The following TRAPPC9 variants were observed in gnomAD, a reference collection of about 807,000 sequenced individuals.
TRAPPC9 encodes the protein IKK2 binding protein.
Under a neutral mutation model 124.0 loss-of-function variants are expected in TRAPPC9, and 83 were observed. The ratio of observed to expected loss-of-function variants is 0.67; its 90% confidence interval spans 0.56 to 0.80. The LOEUF is 0.80. TRAPPC9 is among the 30% of genes least tolerant of loss of function. TRAPPC9 has a pLI of 0.00. For missense variants in TRAPPC9, 1,302 were observed against 1,508.3 expected (o/e 0.86, Z 2.27); for synonymous variants, 638 against 617.5 (o/e 1.03, Z -0.49).
intron 17 of TRAPPC9, among the ~76,000 whole-genome samples, chr8:140,081,521 T>G (rs1178847181): frequency 6.6e-6 from 1 of 151,918 alleles, no homozygotes; most frequent in Non-Finnish European, 1.5e-5. Context: ...AATTTCTGTA[T>G]TTTTAGTAGA....
rs1845018878 is a variant in TRAPPC9 at position 140,097,171 on chromosome 8, T to G, written c.2557-73092A>C. On this transcript the variant is annotated intron_variant, in intron 17 of 22. Coordinates refer to ENST00000438773, the MANE Select transcript of TRAPPC9 (RefSeq NM_001160372.4). This position sits in a 1 kb window ranked among gnomAD's most constrained non-coding sequence, Gnocchi z 4.2. ...TGCACTGCTGCAGCAGTGCTGTCGT[T>G]GACAAAGCAAAGACACCTGCCCTGG... 6.6e-6 allele frequency: 1 copy of G among 152,130 alleles called. No homozygotes were observed. The highest frequency in any genetic ancestry group is 2.4e-5 in the African/African-American group (1 of 41,414). The allele number at this position is 152,130 out of a possible 1,614,324, so 9.4% of individuals were successfully genotyped here.
At chr8:140,044,716 C>T (rs1026452126) in intron 17 of TRAPPC9, among the ~76,000 whole-genome samples, 2 of 152,232 alleles carry the variant, frequency 1.3e-5, no homozygotes, top group African/African-American at 4.8e-5. Context: ...TACAGCTTCT[C>T]GCCTCGGGGA....
At chr8:140,130,231 C>T (rs918421576) in intron 17 of TRAPPC9, among the ~76,000 whole-genome samples, 2 of 151,398 alleles carry the variant, frequency 1.3e-5, no homozygotes, top group East Asian at 1.9e-4. Flanking sequence ...ATGCACAGAC[C>T]GGAAGGCTGA....
intron 17 of TRAPPC9, among the ~76,000 whole-genome samples, chr8:140,100,820 A>G (rs1456636307): frequency 6.6e-6 from 1 of 152,188 alleles, no homozygotes; most frequent in Non-Finnish European, 1.5e-5. Flanking sequence ...GACTGCGGGT[A>G]TTAACATGGG....
At chr8:139,978,707 C>A (rs941190202) in intron 19 of TRAPPC9, among the ~76,000 whole-genome samples, 7 of 152,184 alleles carry the variant, frequency 4.6e-5, no homozygotes, top group Admixed American at 4.6e-4. Context: ...ACAGCGATGG[C>A]TGTGTCTGTG....
At chr8:139,809,802 G>A (rs930482106) in intron 21 of TRAPPC9, among the ~76,000 whole-genome samples, 9 of 151,986 alleles carry the variant, frequency 5.9e-5, no homozygotes, top group South Asian at 2.1e-4. Flanking sequence ...TATAAACGGC[G>A]GCCACCACCC....
intron 10 of TRAPPC9, among the ~76,000 whole-genome samples, chr8:140,307,722 G>C (rs1356206424): frequency 2.0e-5 from 3 of 152,144 alleles, no homozygotes; most frequent in Admixed American, 2.0e-4. Context: ...ATGAGACTGG[G>C]GCAGAAGCCT....
intron 16 of TRAPPC9, among the ~76,000 whole-genome samples, chr8:140,245,472 T>C (rs1455168345): frequency 6.6e-6 from 1 of 151,944 alleles, no homozygotes; most frequent in Non-Finnish European, 1.5e-5. Flanking sequence ...GTGGTGTGTG[T>C]GTGTGTGTGT....
intron 9 of TRAPPC9, among the ~76,000 whole-genome samples, chr8:140,355,090 T>C (rs1007016385): frequency 2.0e-5 from 3 of 152,252 alleles, no homozygotes; most frequent in African/African-American, 7.2e-5. Context: ...CATAAGACAC[T>C]ATCAGCATTT....
intron 9 of TRAPPC9, among the ~76,000 whole-genome samples, chr8:140,351,530 A>G (rs2067577386): frequency 6.6e-6 from 1 of 152,176 alleles, no homozygotes; most frequent in African/African-American, 2.4e-5. Flanking sequence ...ACACTTCGGG[A>G]GGCTGAGGCA....
At chr8:140,365,727 C>T (rs1465143136) in intron 8 of TRAPPC9, among the ~76,000 whole-genome samples, 2 of 152,226 alleles carry the variant, frequency 1.3e-5, no homozygotes, top group Non-Finnish European at 2.9e-5. Context: ...GGAACAATCA[C>T]CTTTTGTGAA....
Position 140,121,446 on chromosome 8 carries a change from C to G in TRAPPC9, c.2557-97367G>C, listed in dbSNP as rs142640275. On this transcript the variant is annotated intron_variant, in intron 17 of 22. Transcript: ENST00000438773. ...CATGGGGAAATCACAGTCAGATTGTCACTTAAGATACTCTGGCAGTAAGGA... is the reference window on the plus strand; with the variant it reads ...CATGGGGAAATCACAGTCAGATTGTGACTTAAGATACTCTGGCAGTAAGGA... Among the ~76,000 whole-genome samples the G allele has an allele frequency of 8.3e-3, 1,257 of 152,296 alleles. 9 individuals carry two copies. Among genetic ancestry groups the G allele is most frequent in the Middle Eastern group, 0.034 (10 of 294 alleles).
At position 139,732,039 on chromosome 8, in the gene TRAPPC9, G is replaced by C. The variant is rs1393391550; in HGVS notation, c.3219C>G (p.His1073Gln). 2 of 1,604,618 alleles carry C rather than the reference G, an allele frequency of 1.2e-6. No homozygotes were observed. The highest frequency in any genetic ancestry group is 1.7e-6 in the Non-Finnish European group (2 of 1,175,562). Residue 1073 changes from histidine (H) to glutamine (Q), a missense_variant, in exon 22 of 23, where the codon CAC becomes CAG. By Grantham distance (24) the His-to-Gln change is conservative. Transcript: ENST00000438773. ...AGACGGTGTCGTGCAGGTCGTAGTT[G>C]TGCACGCCGTTCTGGTGGTCCTGGA... ...VPFQDHQNGV[H>Q]NYDLHDTVSF...
chr8:140,436,850 T>A (rs1331524048), intron 3 of TRAPPC9, among the ~76,000 whole-genome samples: 2 of 152,260 alleles, frequency 1.3e-5, no homozygotes. Context: ...TCAGCCTGCA[T>A]AATCCTTTAT....
intron 21 of TRAPPC9, among the ~76,000 whole-genome samples, chr8:139,844,668 C>T (rs1672500995): frequency 6.6e-6 from 1 of 152,216 alleles, no homozygotes; most frequent in Admixed American, 6.5e-5. Flanking sequence ...GGGAGGAGCT[C>T]TGCTGGCATG....
chr8:139,924,261 A>G (rs1053969468), intron 19 of TRAPPC9, among the ~76,000 whole-genome samples: 8 of 152,232 alleles, frequency 5.3e-5, no homozygotes, highest in African/African-American at 1.9e-4. Context: ...TGAGGTTTGA[A>G]AAGCCGCAGG....
intron 17 of TRAPPC9, among the ~76,000 whole-genome samples, chr8:140,107,876 T>TA (rs59109466): frequency 0.36 from 54,095 of 150,672 alleles, 10,396 homozygotes; most frequent in African/African-American, 0.5. Context: ...GTGAAACATT[T>TA]AAGTCTGGCA....
intron 21 of TRAPPC9, among the ~76,000 whole-genome samples, chr8:139,790,975 G>A (rs1246211583): frequency 6.6e-6 from 1 of 152,108 alleles, no homozygotes; most frequent in Non-Finnish European, 1.5e-5. Flanking sequence ...TCTGCCATGA[G>A]TCAAAGCTCC....
At chr8:140,175,359 C>T (rs72687253) in intron 17 of TRAPPC9, among the ~76,000 whole-genome samples, 26,601 of 150,932 alleles carry the variant, frequency 0.18, 2,878 homozygotes, top group Non-Finnish European at 0.24. Context: ...GCATAAGAGA[C>T]GCCACAGCAG....
Sources: gnomAD v4.1 joint callset for allele counts (sites outside exome capture counted in the v4.1 genomes callset) on GRCh38, gnomAD v4.1.1 for gene constraint, Gnocchi (gnomAD v3.1) non-coding constraint, MANE v1.5 for transcripts, NCBI Gene and HGNC (gene_info 2026-07-23, HGNC 2026-07-21) for gene names.